Variants in RNF130 observed in about 807,000 individuals in gnomAD.
The protein encoded by RNF130 is E3 ubiquitin-protein ligase RNF130.
A neutral mutation model predicts 44.6 loss-of-function variants in RNF130; 21 were observed. That is an observed-to-expected ratio of 0.47 (90% CI 0.33 to 0.68). The LOEUF (loss-of-function observed/expected upper bound fraction) is 0.68. Among genes scored for constraint, RNF130 ranks in the 30% least tolerant of loss-of-function variants. The pLI is 0.02. For missense variants in RNF130, 479 were observed against 560.6 expected (o/e 0.85, Z 1.47); for synonymous variants, 214 against 210.4 (o/e 1.02, Z -0.15).
intron 3 of RNF130, among the ~76,000 whole-genome samples, chr5:179,997,679 C>A (rs1287548249): frequency 2.0e-5 from 3 of 152,044 alleles, no homozygotes; most frequent in Non-Finnish European, 4.4e-5. Context: ...GTTACCCAGG[C>A]TAGTCTTGAA....
chr5:180,011,746 C>T (rs1012302077), intron 3 of RNF130, among the ~76,000 whole-genome samples: 1 of 150,290 alleles, frequency 6.7e-6, no homozygotes, highest in Non-Finnish European at 1.5e-5. Context: ...GCCTGGGTGA[C>T]AGGGCAAGAC....
intron 2 of RNF130, among the ~76,000 whole-genome samples, chr5:180,019,530 C>T (rs1763825109): frequency 6.6e-6 from 1 of 152,222 alleles, no homozygotes; most frequent in African/African-American, 2.4e-5. Context: ...CCCAAGACTT[C>T]TCATCTCACT....
chr5:180,044,653 G>A (rs550534551), intron 1 of RNF130, among the ~76,000 whole-genome samples: 10 of 152,190 alleles, frequency 6.6e-5, no homozygotes, highest in East Asian at 5.8e-4. Flanking sequence ...CCAACACAGC[G>A]AAACCCCATC....
chr5:179,981,005 G>A (rs1762822584), intron 3 of RNF130, among the ~76,000 whole-genome samples: 2 of 152,142 alleles, frequency 1.3e-5, no homozygotes, highest in Admixed American at 1.3e-4. Context: ...GTGGGGCGAG[G>A]CAGGGGAGGA....
At chr5:180,005,158 T>C (rs1277991619) in intron 3 of RNF130, among the ~76,000 whole-genome samples, 1 of 152,200 alleles carries the variant, frequency 6.6e-6, no homozygotes, top group Middle Eastern at 3.2e-3. Context: ...CCCGGCGTGG[T>C]GGCTCGTGCC....
intron 3 of RNF130, among the ~76,000 whole-genome samples, chr5:179,992,729 T>TTTA (rs557302076): frequency 1.3e-5 from 2 of 152,092 alleles, no homozygotes; most frequent in South Asian, 2.1e-4. Context: ...TTATGGTTTA[T>TTTA]TTATTATTAT....
At chr5:179,998,641 G>A (rs1320657285) in intron 3 of RNF130, among the ~76,000 whole-genome samples, 1 of 151,868 alleles carries the variant, frequency 6.6e-6, no homozygotes, top group Non-Finnish European at 1.5e-5. Flanking sequence ...GGCCAATCTT[G>A]AAGAATATTC....
intron 4 of RNF130, 62 bp downstream of exon 4, chr5:179,980,067 A>C: frequency 1.4e-6 from 2 of 1,445,968 alleles, no homozygotes; most frequent in Non-Finnish European, 1.9e-6. Flanking sequence ...GTCCTCTCCC[A>C]CCAAACAAAA....
chr5:180,011,626 T>G (rs12519642), intron 3 of RNF130, among the ~76,000 whole-genome samples: 132,840 of 152,164 alleles, frequency 0.87, 58,161 homozygotes, highest in African/African-American at 0.94. Context: ...AATTAGCCAG[T>G]CATGGTGGTG....
intron 3 of RNF130, among the ~76,000 whole-genome samples, chr5:179,983,319 C>T (rs1762881149): frequency 1.4e-5 from 2 of 146,760 alleles, no homozygotes; most frequent in Non-Finnish European, 3.0e-5. Flanking sequence ...TGTATTCTGT[C>T]AGGTACAGAT....
chr5:179,962,778 G>A (rs1762363653), intron 8 of RNF130, among the ~76,000 whole-genome samples: 1 of 152,040 alleles, frequency 6.6e-6, no homozygotes, highest in African/African-American at 2.4e-5. Flanking sequence ...CCTGACAAGT[G>A]ACATCCAGCC....
At chr5:179,926,414 G>A (rs1484225334) in intron 7 of RNF130, among the ~76,000 whole-genome samples, 1 of 152,186 alleles carries the variant, frequency 6.6e-6, no homozygotes, top group Non-Finnish European at 1.5e-5. Context: ...GGGAGGCCGA[G>A]GCAGGCGGAT....
At chr5:180,044,504 T>G (rs576034098) in intron 1 of RNF130, among the ~76,000 whole-genome samples, 1 of 152,114 alleles carries the variant, frequency 6.6e-6, no homozygotes, top group Non-Finnish European at 1.5e-5. Flanking sequence ...CAAAGAGAGA[T>G]ACAATGTGGC....
At chr5:180,048,501 G>A (rs574448702) in intron 1 of RNF130, among the ~76,000 whole-genome samples, 22 of 152,202 alleles carry the variant, frequency 1.4e-4, no homozygotes, top group South Asian at 1.2e-3. Context: ...GGCCAGGTGC[G>A]GTGGCTCATG....
At chr5:179,918,172 A>T (rs914386141) in exon 8 of RNF130, 8 of 152,162 alleles carry the variant, frequency 5.3e-5, no homozygotes, top group Non-Finnish European at 1.2e-4. Context: ...TCAAGCCAGG[A>T]TCCACAGCAC....
chr5:179,943,122 G>C (rs1761988571), intron 7 of RNF130, among the ~76,000 whole-genome samples: 1 of 152,232 alleles, frequency 6.6e-6, no homozygotes. Context: ...TTCAACCAGA[G>C]AGGCAGAGGT....
intron 2 of RNF130, among the ~76,000 whole-genome samples, chr5:180,033,743 A>G (rs1396623294): frequency 6.6e-6 from 1 of 150,866 alleles, no homozygotes; most frequent in Non-Finnish European, 1.5e-5. Flanking sequence ...GTTTTTGTAT[A>G]ATGACTTTGT....
intron 7 of RNF130, among the ~76,000 whole-genome samples, chr5:179,945,752 C>T (rs1001907737): frequency 3.9e-5 from 6 of 152,148 alleles, no homozygotes; most frequent in African/African-American, 1.4e-4. Flanking sequence ...GGTGTCCGGC[C>T]TCGGCAGGAA....
chr5:180,043,900 T>G (rs1290716604), intron 1 of RNF130, among the ~76,000 whole-genome samples: 2 of 152,234 alleles, frequency 1.3e-5, no homozygotes, highest in Non-Finnish European at 2.9e-5. Context: ...TGGTATTTAT[T>G]ATTCAGAAGA....
Sources: allele counts gnomAD v4.1 joint callset (sites outside exome capture counted in the v4.1 genomes callset), GRCh38; gene constraint gnomAD v4.1.1; transcripts MANE v1.5; gene names NCBI Gene and HGNC (gene_info 2026-07-23, HGNC 2026-07-21).